WDR7: variants seen among roughly 807,000 people sequenced by gnomAD.
WDR7 encodes the protein WD repeat-containing protein 7.
WDR7 carries 46 observed loss-of-function variants against 169.4 expected under a neutral mutation model. The ratio of observed to expected loss-of-function variants is 0.27; its 90% CI spans 0.21 to 0.35. WDR7 has a LOEUF of 0.35. WDR7 is among the 10% of genes least tolerant of loss of function. WDR7 has a pLI of 1.00. For missense variants in WDR7, 1,534 were observed against 1,859.3 expected (o/e 0.83, Z 3.22); for synonymous variants, 612 against 666.8 (o/e 0.92, Z 1.27).
chr18:56,947,390 T>G (rs955777076), intron 25 of WDR7, among the ~76,000 whole-genome samples: 1 of 152,166 alleles, frequency 6.6e-6, no homozygotes, highest in Non-Finnish European at 1.5e-5. Flanking sequence ...AGATAATTAT[T>G]GTTAGAGGGT....
At chr18:56,895,914 T>C (rs543457038) in intron 21 of WDR7, among the ~76,000 whole-genome samples, 4 of 151,884 alleles carry the variant, frequency 2.6e-5, no homozygotes, top group East Asian at 1.9e-4. Flanking sequence ...CTAGGCCAAA[T>C]TATTCTAAAA....
chr18:56,731,108 A>G (rs1373492432), intron 13 of WDR7, among the ~76,000 whole-genome samples: 1 of 152,168 alleles, frequency 6.6e-6, no homozygotes, highest in Non-Finnish European at 1.5e-5. Flanking sequence ...GGGAGGTAGA[A>G]AGAGTGGAAA....
At chr18:57,032,842 T>TATATAC (rs1555649900), downstream of WDR7, 26 of 121,968 alleles carry the variant, frequency 2.1e-4, no homozygotes, top group Non-Finnish European at 3.9e-4. Context: ...TATATATATA[T>TATATAC]ATACAGTGTA....
chr18:56,977,431 G>C (rs1178735506), intron 26 of WDR7, among the ~76,000 whole-genome samples: 1 of 152,196 alleles, frequency 6.6e-6, no homozygotes, highest in Non-Finnish European at 1.5e-5. Flanking sequence ...TAGAGGCCAA[G>C]GCCCGCTTCC....
Position 56,686,043 on chromosome 18 carries a change from G to C in WDR7, c.597+11G>C. The C allele has an allele frequency of 6.3e-7, 1 of 1,579,092 alleles. No individual in the cohort carries two copies. The highest frequency in any genetic ancestry group is 1.4e-5 in the African/African-American group (1 of 72,142). On this transcript the variant is annotated intron_variant, in intron 6 of 27. Transcript: ENST00000254442. The stretch of plus-strand genomic sequence containing the variant: ...ATAAGTGACATGCAGGTGAGAAAAA[G>C]GAAACTGGGGTGATTTCTCTGTTTT...
At chr18:56,744,245 GAAAAAAAAAAAAAA>G (rs58110613) in intron 14 of WDR7, among the ~76,000 whole-genome samples, 1 of 86,884 alleles carries the variant, frequency 1.2e-5, no homozygotes, top group African/African-American at 4.1e-5. Flanking sequence ...TCTCAAAAAA[GAAAAAAAAAAAAAA>G]AAAAAAAAAA....
At chr18:56,852,481 A>G (rs980296030) in intron 20 of WDR7, among the ~76,000 whole-genome samples, 12 of 152,228 alleles carry the variant, frequency 7.9e-5, no homozygotes, top group Middle Eastern at 3.2e-3. Flanking sequence ...TTATCTGGCT[A>G]TATCATGTAA....
chr18:56,754,251 G>A (rs1599017420), intron 14 of WDR7, among the ~76,000 whole-genome samples: 1 of 26,542 alleles, frequency 3.8e-5, no homozygotes, highest in Non-Finnish European at 1.0e-4. Flanking sequence ...TGTGCTTTGT[G>A]TGTGTGTGTG....
intron 26 of WDR7, among the ~76,000 whole-genome samples, chr18:56,985,576 C>T (rs1475092427): frequency 6.6e-6 from 1 of 152,086 alleles, no homozygotes; most frequent in Non-Finnish European, 1.5e-5. Flanking sequence ...TACACAAAAT[C>T]AAGTAAAATC....
intron 7 of WDR7, among the ~76,000 whole-genome samples, chr18:56,688,561 C>T (rs1446814824): frequency 7.4e-6 from 1 of 135,252 alleles, no homozygotes. Context: ...ACTAAAAATA[C>T]AAAAAAAAAA....
At chr18:56,926,781 A>G (rs756945529) in intron 22 of WDR7, among the ~76,000 whole-genome samples, 30 of 152,242 alleles carry the variant, frequency 2.0e-4, no homozygotes, top group Admixed American at 1.4e-3. Context: ...ATAATAAGCA[A>G]GAAAATGTTT....
intron 19 of WDR7, among the ~76,000 whole-genome samples, chr18:56,793,262 G>C (rs937757760): frequency 2.0e-5 from 3 of 152,158 alleles, no homozygotes; most frequent in African/African-American, 7.2e-5. Flanking sequence ...TCTGGTTTTA[G>C]AACTTATTTG....
intron 19 of WDR7, 49 bp from the exon 20 acceptor site, chr18:56,815,982 T>A: frequency 6.9e-7 from 1 of 1,448,094 alleles, no homozygotes; most frequent in South Asian, 1.3e-5. Flanking sequence ...TCTGTTTGCT[T>A]TACTTTTCAT....
intron 13 of WDR7, among the ~76,000 whole-genome samples, chr18:56,725,534 T>C (rs144082236): frequency 0.078 from 11,839 of 152,270 alleles, 702 homozygotes; most frequent in Admixed American, 0.17. Context: ...TTGGAGTTCA[T>C]TGTAGATTTT....
At chr18:56,984,889 G>A (rs543008648) in intron 26 of WDR7, among the ~76,000 whole-genome samples, 1 of 152,268 alleles carries the variant, frequency 6.6e-6, no homozygotes, top group East Asian at 1.9e-4. Flanking sequence ...TTCCCTGGCT[G>A]TATTGATTTG....
chr18:56,685,659 A>G (rs753308402), intron 5 of WDR7, among the ~76,000 whole-genome samples: 3 of 152,332 alleles, frequency 2.0e-5, no homozygotes, highest in South Asian at 2.1e-4. Flanking sequence ...TTTGAAGTGT[A>G]TAAGTTCATT....
intron 12 of WDR7, among the ~76,000 whole-genome samples, chr18:56,702,694 C>T (rs1476669492): frequency 2.6e-5 from 4 of 152,102 alleles, no homozygotes; most frequent in East Asian, 1.9e-4. Context: ...ATCCATACTG[C>T]ATATTTTTGG....
intron 25 of WDR7, among the ~76,000 whole-genome samples, chr18:56,955,906 AC>A (rs1281463171): frequency 6.6e-6 from 1 of 152,134 alleles, no homozygotes; most frequent in Non-Finnish European, 1.5e-5. Flanking sequence ...GCAATAAGGA[AC>A]CTGTTTCTCA....
intron 1 of WDR7, among the ~76,000 whole-genome samples, chr18:56,670,904 T>G (rs2144513804): frequency 1.3e-5 from 2 of 152,330 alleles, no homozygotes; most frequent in Admixed American, 1.3e-4. Context: ...CTGAGAGTAC[T>G]CTCTTCTATG....
Sources: gnomAD v4.1 joint callset for allele counts (sites outside exome capture counted in the v4.1 genomes callset) on GRCh38, gnomAD v4.1.1 for gene constraint, MANE v1.5 for transcripts, NCBI Gene and HGNC (gene_info 2026-07-23, HGNC 2026-07-21) for gene names.